Variants in PFKP observed in about 807,000 individuals in gnomAD.
PFKP encodes the protein phosphofructokinase, platelet.
Under a neutral mutation model 94.3 loss-of-function variants are expected in PFKP, and 101 were observed. The ratio of observed to expected loss-of-function variants is 1.07; its 90% CI spans 0.91 to 1.26. The LOEUF (loss-of-function observed/expected upper bound fraction) is 1.26. PFKP is among the 50% of genes most tolerant of loss of function. PFKP has a pLI of 0.00. For missense variants in PFKP, 1,145 were observed against 1,103.3 expected (o/e 1.04, Z -0.53); for synonymous variants, 573 against 432.6 (o/e 1.32, Z -4.03).
chr10:3,101,970 G>GT (rs1241765511), intron 4 of PFKP, among the ~76,000 whole-genome samples: 2 of 150,802 alleles, frequency 1.3e-5, no homozygotes, highest in Non-Finnish European at 3.0e-5. Context: ...ACTGAAGTTG[G>GT]GCCGGGCGCG....
intron 16 of PFKP, among the ~76,000 whole-genome samples, chr10:3,127,306 C>A (rs1838064213): frequency 6.6e-6 from 1 of 152,234 alleles, no homozygotes; most frequent in African/African-American, 2.4e-5. Context: ...TGTTCCACAG[C>A]CCCCTGGGGC....
At chr10:3,094,036 C>T (rs1834288871) in intron 2 of PFKP, among the ~76,000 whole-genome samples, 1 of 152,176 alleles carries the variant, frequency 6.6e-6, no homozygotes, top group Non-Finnish European at 1.5e-5. Context: ...CCATTTACAC[C>T]ATTGCCTGTG....
intron 13 of PFKP, among the ~76,000 whole-genome samples, chr10:3,115,720 T>C (rs1836775143): frequency 6.6e-6 from 1 of 152,148 alleles, no homozygotes; most frequent in Admixed American, 6.5e-5. Flanking sequence ...GATGCAGAAC[T>C]CACAGAGCTT....
Position 3,124,447 on chromosome 10 carries a change from A to AGT in PFKP, c.1683+4405_1683+4406dup, listed in dbSNP as rs576512097. Reference sequence around the variant, plus strand: ...TTTCTGATACCGGAGCGCATTTCCCAGTGGAACCCCAGAGCAGCAACTCAG... The same window carrying AGT: ...TTTCTGATACCGGAGCGCATTTCCCAGTGTGGAACCCCAGAGCAGCAACTCAG... On this transcript the variant is annotated intron_variant, in intron 16 of 21. Coordinates refer to ENST00000381125, the MANE Select transcript of PFKP (RefSeq NM_002627.5). 1.3e-3 allele frequency among the ~76,000 whole-genome samples: 203 copies of AGT among 152,288 alleles called. 2 individuals are homozygous for AGT. The highest frequency in any genetic ancestry group is 4.2e-3 in the African/African-American group (174 of 41,566).
At chr10:3,107,027 C>G (rs1314434327) in intron 7 of PFKP, among the ~76,000 whole-genome samples, 187 bp from the exon 8 acceptor site, 1 of 119,044 alleles carries the variant, frequency 8.4e-6, no homozygotes, top group Non-Finnish European at 1.7e-5. Flanking sequence ...CTGTCCCTCC[C>G]TGCTGTCACC....
In PFKP at chr10:3,067,593, G is replaced by T. The variant is rs1012125363; in HGVS notation, c.-3G>T. ...ACGTGCGGCTCCCCTCGGCCTCCTC[G>T]CCATGGACGCGGACGACTCCCGGGC... On this transcript the variant is annotated 5_prime_UTR_variant, in exon 1 of 22. Coordinates refer to ENST00000381125, the MANE Select transcript of PFKP (RefSeq NM_002627.5). 20 of 1,502,264 alleles carry T rather than the reference G, an allele frequency of 1.3e-5. No homozygotes were observed. In the African/African-American group the frequency reaches 2.6e-4, roughly 19 times the overall value. 93.1% of individuals were successfully genotyped at this position (1,502,264 alleles called of 1,614,324 possible). A position where few individuals can be genotyped will look rare whatever the true frequency, so the allele number is the denominator to read the frequency against.
intron 3 of PFKP, among the ~76,000 whole-genome samples, chr10:3,100,322 G>A (rs1328374154): frequency 6.6e-6 from 1 of 152,114 alleles, no homozygotes; most frequent in Non-Finnish European, 1.5e-5. Flanking sequence ...GGGTTGGGTT[G>A]TAAATGGTCT....
chr10:3,085,943 A>G (rs1833557715), intron 2 of PFKP, among the ~76,000 whole-genome samples: 1 of 149,952 alleles, frequency 6.7e-6, no homozygotes, highest in Non-Finnish European at 1.5e-5. Flanking sequence ...GCTGGAGCAT[A>G]TACATGTGCA....
chr10:3,114,972 G>A (rs1032277850), intron 13 of PFKP, among the ~76,000 whole-genome samples: 2 of 152,206 alleles, frequency 1.3e-5, no homozygotes, highest in African/African-American at 2.4e-5. Flanking sequence ...GCAAGAGATG[G>A]TGGGTCCAGA....
chr10:3,125,358 G>C (rs1238592844), intron 16 of PFKP: 1 of 865,306 alleles, frequency 1.2e-6, no homozygotes, highest in African/African-American at 1.8e-5. Flanking sequence ...TCTCCCCTTT[G>C]TTAGCTTGGC....
Position 3,120,510 on chromosome 10 carries a change from A to AT in PFKP, c.1683+467dup, listed in dbSNP as rs1286330854. 2.6e-5 allele frequency among the ~76,000 whole-genome samples: 4 copies of AT among 152,282 alleles called. No individual in the cohort carries two copies. In the East Asian group the frequency reaches 7.7e-4, roughly 29 times the overall value. On this transcript the variant is annotated intron_variant, in intron 16 of 21. Transcript: ENST00000381125. ...TTTATAATTTTATTCATTGCCCTGA[A>AT]TGCACCATTGCATTTGTTATCTCTC...
chr10:3,118,683 C>G (rs535676392), intron 14 of PFKP, 99 bp from the exon 15 acceptor site: 43 of 759,198 alleles, frequency 5.7e-5, no homozygotes, highest in African/African-American at 5.4e-4. Context: ...ATTAAAACCA[C>G]AGACTGGGGA....
chr10:3,125,534 C>A (rs1588550264), intron 16 of PFKP, among the ~76,000 whole-genome samples: 1 of 152,154 alleles, frequency 6.6e-6, no homozygotes, highest in Admixed American at 6.5e-5. Flanking sequence ...CTGGAGGCTG[C>A]CTCTCCTGCC....
At chr10:3,131,875 C>A (rs79727895) in intron 17 of PFKP, among the ~76,000 whole-genome samples, 9,519 of 152,228 alleles carry the variant, frequency 0.063, 534 homozygotes, top group East Asian at 0.28. Flanking sequence ...ATCCTCCTAA[C>A]ATGATCTGAA....
intron 2 of PFKP, among the ~76,000 whole-genome samples, chr10:3,090,477 G>T (rs143160485): frequency 1.2e-3 from 186 of 152,320 alleles, no homozygotes; most frequent in African/African-American, 4.4e-3. Context: ...GACTCCATGG[G>T]TGTGTGGCCA....
intron 1 of PFKP, among the ~76,000 whole-genome samples, chr10:3,072,236 A>G (rs994096022): frequency 6.6e-6 from 1 of 152,278 alleles, no homozygotes; most frequent in East Asian, 1.9e-4. Context: ...CTTCAAGATT[A>G]GAACCTTAAA....
intron 3 of PFKP, among the ~76,000 whole-genome samples, chr10:3,099,633 G>A (rs1450045261): frequency 5.9e-5 from 9 of 152,240 alleles, no homozygotes; most frequent in African/African-American, 2.2e-4. Context: ...GGCTCTCTCT[G>A]CATTGGGCGC....
intron 1 of PFKP, among the ~76,000 whole-genome samples, chr10:3,078,889 T>G (rs7088709): frequency 0.73 from 111,412 of 152,106 alleles, 41,004 homozygotes; most frequent in Middle Eastern, 0.85. Context: ...TTGCAATGCA[T>G]GGCTCCATCC....
chr10:3,093,889 C>G (rs138797953), intron 2 of PFKP, among the ~76,000 whole-genome samples: 6 of 152,118 alleles, frequency 3.9e-5, no homozygotes, highest in African/African-American at 1.2e-4. Context: ...GTGATCCGCC[C>G]GCCTTGGCCT....
Sources: gnomAD v4.1 joint callset for allele counts (sites outside exome capture counted in the v4.1 genomes callset) on GRCh38, gnomAD v4.1.1 for gene constraint, MANE v1.5 for transcripts, NCBI Gene and HGNC (gene_info 2026-07-23, HGNC 2026-07-21) for gene names.